Variants in NTAQ1 observed in about 807,000 individuals in gnomAD.
The protein encoded by NTAQ1 is N-terminal glutamine amidase 1.
In NTAQ1, 21 loss-of-function variants were observed where a neutral mutation model predicts 28.2. That is an observed-to-expected ratio of 0.74 (90% CI 0.53 to 1.07). The LOEUF is 1.07. Ranked by LOEUF, NTAQ1 falls within the 50% of genes least tolerant of loss-of-function variation. The pLI, the probability that NTAQ1 is intolerant of heterozygous loss-of-function variation, is 0.00. For missense variants in NTAQ1, 264 were observed against 256.6 expected (o/e 1.03, Z -0.20); for synonymous variants, 105 against 90.0 (o/e 1.17, Z -0.94).
chr8:123,418,166 T>C (rs1234446262), intron 1 of NTAQ1, among the ~76,000 whole-genome samples: 1 of 152,136 alleles, frequency 6.6e-6, no homozygotes, highest in Non-Finnish European at 1.5e-5. Flanking sequence ...GAAAAGCAGA[T>C]AAGGCCCGGT....
chr8:123,474,811 CAGG>C (rs1340865780), downstream of NTAQ1, among the ~76,000 whole-genome samples: 1 of 152,082 alleles, frequency 6.6e-6, no homozygotes, highest in African/African-American at 2.4e-5. Flanking sequence ...AGCTTGAACC[CAGG>C]AGGAGGAGGT....
At chr8:123,441,191 T>G in intron 5 of NTAQ1, 115 bp from the exon 6 acceptor site, 1 of 737,084 alleles carries the variant, frequency 1.4e-6, no homozygotes, top group Non-Finnish European at 2.3e-6. Flanking sequence ...GAAGTGACAT[T>G]GAGCCCTTAT....
intron 3 of NTAQ1, among the ~76,000 whole-genome samples, chr8:123,431,131 A>T (rs1222988282): frequency 6.6e-6 from 1 of 152,176 alleles, no homozygotes; most frequent in African/African-American, 2.4e-5. Flanking sequence ...TGAGGTCAGG[A>T]GTTCAAGACC....
chr8:123,446,158 A>ATT (rs375171074), downstream of NTAQ1, among the ~76,000 whole-genome samples: 6 of 150,760 alleles, frequency 4.0e-5, no homozygotes, highest in Admixed American at 3.3e-4. Context: ...CACCTGGCTA[A>ATT]TTTTGTGTGT....
chr8:123,420,027 A>G lies in NTAQ1; in HGVS notation c.83+3095A>G, dbSNP rs571442089. On this transcript the variant is annotated intron_variant, in intron 1 of 5. Coordinates refer to ENST00000287387, the MANE Select transcript of NTAQ1 (RefSeq NM_018024.3). ...TTATTTTGTCACCCAGATAGTGAGCATACTACCAGATAGATAGTTTTGATC... is the reference window on the plus strand; with the variant it reads ...TTATTTTGTCACCCAGATAGTGAGCGTACTACCAGATAGATAGTTTTGATC... Among the ~76,000 whole-genome samples the G allele has an allele frequency of 2.0e-5, 3 of 152,066 alleles. No individual in the cohort carries two copies. The South Asian group carries it at 6.2e-4, about 32-fold the overall frequency.
chr8:123,416,974 C>T lies in NTAQ1; in HGVS notation c.83+42C>T, dbSNP rs561656531. 1,087 of 1,400,606 alleles carry T rather than the reference C, an allele frequency of 7.8e-4. 4 individuals carry two copies. The African/African-American group carries it at 0.011, about 14-fold the overall frequency. The allele number at this position is 1,400,606 out of a possible 1,614,324, so 86.8% of individuals were successfully genotyped here. ...GCAGCCTCTGGGTCTCCCAGGCTCC[C>T]GGGCGGCGAGTCGCAACCGGGCCCC... On this transcript the variant is annotated intron_variant, in intron 1 of 5. Coordinates refer to ENST00000287387, the MANE Select transcript of NTAQ1 (RefSeq NM_018024.3).
intron 1 of NTAQ1, among the ~76,000 whole-genome samples, chr8:123,420,789 A>T (rs976867329): frequency 6.6e-6 from 1 of 150,772 alleles, no homozygotes; most frequent in Non-Finnish European, 1.5e-5. Context: ...GTTTATTTTT[A>T]TTTATTTATT....
At chr8:123,459,609 T>G (rs1173194371) in intron 6 of NTAQ1, among the ~76,000 whole-genome samples, 1 of 152,064 alleles carries the variant, frequency 6.6e-6, no homozygotes, top group Admixed American at 6.6e-5. Context: ...TCCAAGGGAT[T>G]CAGGAACTCT....
At chr8:123,457,342 C>T (rs766529941) in intron 6 of NTAQ1, among the ~76,000 whole-genome samples, 7 of 152,046 alleles carry the variant, frequency 4.6e-5, no homozygotes, top group Admixed American at 2.0e-4. Context: ...GCTAGGATTA[C>T]AGGCATAAGC....
chr8:123,436,852 C>A (rs1814747217), intron 4 of NTAQ1, among the ~76,000 whole-genome samples: 1 of 152,094 alleles, frequency 6.6e-6, no homozygotes, highest in Non-Finnish European at 1.5e-5. Flanking sequence ...CATTTAATTT[C>A]AAGCGGGTTG....
chr8:123,456,778 G>A (rs768040766), intron 6 of NTAQ1, among the ~76,000 whole-genome samples: 1 of 152,100 alleles, frequency 6.6e-6, no homozygotes, highest in African/African-American at 2.4e-5. Flanking sequence ...AGAAACAAAC[G>A]AATCAATTTT....
At chr8:123,463,066 C>T (rs1024619393) in intron 6 of NTAQ1, among the ~76,000 whole-genome samples, 6 of 152,154 alleles carry the variant, frequency 3.9e-5, no homozygotes, top group African/African-American at 1.2e-4. Context: ...GTGACTATTC[C>T]TGCTCTTTGT....
downstream of NTAQ1, among the ~76,000 whole-genome samples, chr8:123,471,425 C>T (rs143398729): frequency 0.014 from 2,181 of 152,246 alleles, 15 homozygotes; most frequent in Non-Finnish European, 0.024. Context: ...AGGATGGTTC[C>T]GTCTCTATAG....
intron 3 of NTAQ1, among the ~76,000 whole-genome samples, chr8:123,434,176 A>G (rs1300629257): frequency 6.6e-6 from 1 of 151,928 alleles, no homozygotes; most frequent in African/African-American, 2.4e-5. Flanking sequence ...CCTGCCTCTG[A>G]TGTTCTCTGT....
chr8:123,438,255 A>G (rs1309244161), intron 5 of NTAQ1: 1 of 695,500 alleles, frequency 1.4e-6, no homozygotes. Context: ...AATTCACAAC[A>G]TTCCCACTTA....
At chr8:123,469,312 G>C (rs1288092231) in exon 7 of NTAQ1, among the ~76,000 whole-genome samples, 2 of 152,056 alleles carry the variant, frequency 1.3e-5, no homozygotes, top group Non-Finnish European at 2.9e-5. Flanking sequence ...TTTTTCATTT[G>C]TTTAAGCCTG....
chr8:123,422,316 C>A (rs1813749709), intron 1 of NTAQ1, among the ~76,000 whole-genome samples: 1 of 149,610 alleles, frequency 6.7e-6, no homozygotes, highest in Non-Finnish European at 1.5e-5. Flanking sequence ...CACTCTGTCA[C>A]CCAGGCTGGA....
chr8:123,420,880 C>G (rs1813641660), intron 1 of NTAQ1, among the ~76,000 whole-genome samples: 1 of 146,274 alleles, frequency 6.8e-6, no homozygotes, highest in East Asian at 2.0e-4. Flanking sequence ...ACCTCCGCCT[C>G]CTGGGTTCAA....
chr8:123,464,151 T>A (rs570804514), intron 6 of NTAQ1, among the ~76,000 whole-genome samples: 1 of 152,328 alleles, frequency 6.6e-6, no homozygotes, highest in Non-Finnish European at 1.5e-5. Context: ...AGGTATGTGT[T>A]TATTAGCAGT....
Sources: allele counts gnomAD v4.1 joint callset (sites outside exome capture counted in the v4.1 genomes callset), GRCh38; gene constraint gnomAD v4.1.1; transcripts MANE v1.5; gene names NCBI Gene and HGNC (gene_info 2026-07-23, HGNC 2026-07-21).